The following PCDHA2 variants were observed in gnomAD, a reference collection of about 807,000 sequenced individuals.
The protein encoded by PCDHA2 is protocadherin alpha-2.
In PCDHA2, 58 loss-of-function variants were observed where a neutral mutation model predicts 66.0. The ratio of observed to expected loss-of-function variants is 0.88; its 90% confidence interval spans 0.71 to 1.09. The LOEUF (loss-of-function observed/expected upper bound fraction) is 1.09. Ranked by LOEUF, PCDHA2 falls within the 50% of genes least tolerant of loss-of-function variation. PCDHA2 has a pLI of 0.00. For synonymous variants in PCDHA2, 634 were observed against 554.0 expected, an observed-to-expected ratio of 1.14 and a Z score of -2.03; for missense variants, 1,267 against 1,242.3, an observed-to-expected ratio of 1.02 and a Z score of -0.30.
chr5:140,795,652 A>C lies in PCDHA2; in HGVS notation c.688A>C (p.Ile230Leu), dbSNP rs1554119517. Residue 230 changes from isoleucine (I) to leucine (L), a missense_variant, in exon 1 of 4, where the codon ATT (isoleucine) becomes CTT (leucine). By Grantham distance (5) the Ile-to-Leu change is conservative. Coordinates refer to ENST00000526136, the MANE Select transcript of PCDHA2 (RefSeq NM_018905.3). ...PELTGTVQIL[I>L]KVLDVNDNEP... ...GCTCACGGGCACCGTTCAAATACTTATTAAGGTATTAGATGTAAATGACAA... is the reference window on the plus strand; with the variant it reads ...GCTCACGGGCACCGTTCAAATACTTCTTAAGGTATTAGATGTAAATGACAA... The C allele has an allele frequency of 1.2e-6, 2 of 1,614,036 alleles. No homozygotes were observed. The highest frequency in any genetic ancestry group is 1.1e-5 in the South Asian group (1 of 91,084).
rs2150424044 is a variant in PCDHA2, at chr5:140,848,904, C to G, written c.2388+51552C>G. ...CAACCCTCCAGTGTTCCCAGCGACACAAAAGAATCTGTTCATCGCGGAATC... is the reference window on the plus strand; with the variant it reads ...CAACCCTCCAGTGTTCCCAGCGACAGAAAAGAATCTGTTCATCGCGGAATC... On this transcript the variant is annotated intron_variant, in intron 1 of 3. Coordinates refer to ENST00000526136, the MANE Select transcript of PCDHA2 (RefSeq NM_018905.3). 1 of 1,608,060 alleles carries G rather than the reference C, an allele frequency of 6.2e-7. No individual in the cohort carries two copies. Among genetic ancestry groups the G allele is most frequent in the Non-Finnish European group, 8.5e-7 (1 of 1,176,922 alleles).
chr5:140,857,687 A>C, intron 1 of PCDHA2: 1 of 1,597,130 alleles, frequency 6.3e-7, no homozygotes, highest in South Asian at 1.1e-5. Context: ...TCTGGGCAGC[A>C]ACTTGACGCT....
intron 1 of PCDHA2, chr5:140,865,997 T>C (rs990195272): frequency 2.6e-5 from 4 of 152,210 alleles, no homozygotes; most frequent in Admixed American, 6.5e-5. Context: ...AGTTTTTTTA[T>C]GTTAAGTGAT....
chr5:141,007,478 G>A (rs1041976706), intron 3 of PCDHA2, among the ~76,000 whole-genome samples: 5 of 151,620 alleles, frequency 3.3e-5, no homozygotes, highest in Admixed American at 6.6e-5. Context: ...TGAGGCACGA[G>A]AATTACTTGG....
rs1375080438 is a variant in PCDHA2, at chr5:140,807,601, G to T, written c.2388+10249G>T. 3 of 1,614,072 alleles carry T rather than the reference G, an allele frequency of 1.9e-6. No individual in the cohort carries two copies. The African/African-American group carries it at 4.0e-5, about 22-fold the overall frequency. ...CGCCGGTGTTCCCAGCAACACAAAA[G>T]AACCTGTCCATCGCGGAATCCAGGC... On this transcript the variant is annotated intron_variant, in intron 1 of 3. Coordinates refer to ENST00000526136, the MANE Select transcript of PCDHA2 (RefSeq NM_018905.3).
chr5:140,912,378 T>C (rs1554195314), intron 1 of PCDHA2, among the ~76,000 whole-genome samples: 1 of 152,002 alleles, frequency 6.6e-6, no homozygotes, highest in African/African-American at 2.4e-5. Context: ...GTAAAAGGGA[T>C]TGAGTTCTTA....
chr5:140,843,457 G>A, intron 1 of PCDHA2: 1 of 1,596,058 alleles, frequency 6.3e-7, no homozygotes, highest in South Asian at 1.1e-5. Flanking sequence ...GCCTGCTGGT[G>A]CTCACGCTGC....
chr5:140,856,271 G>T lies in PCDHA2; in HGVS notation c.2388+58919G>T, dbSNP rs782472888. On this transcript the variant is annotated intron_variant, in intron 1 of 3. Coordinates refer to ENST00000526136, the MANE Select transcript of PCDHA2 (RefSeq NM_018905.3). ...GTCCAAAAGACACGGGGACCTTCTG[G>T]AGGTAAATCTGCAGAATGGCATTTT... 7 of 1,598,148 alleles carry T rather than the reference G, an allele frequency of 4.4e-6. 1 individual carries two copies. The highest frequency in any genetic ancestry group is 6.0e-6 in the Non-Finnish European group (7 of 1,167,948).
At chr5:140,830,509 A>C (rs1039294822) in intron 1 of PCDHA2, 3 of 1,410,936 alleles carry the variant, frequency 2.1e-6, no homozygotes, top group Non-Finnish European at 2.8e-6. Context: ...CATAATTAAC[A>C]GTTAATTTTT....
chr5:140,812,146 T>TG (rs1554125912), intron 1 of PCDHA2: 1 of 136,714 alleles, frequency 7.3e-6, no homozygotes, highest in Admixed American at 7.5e-5. Context: ...GGTTTTGGGC[T>TG]TTTGTTGTTG....
At chr5:140,881,867 G>A (rs2058853547) in intron 1 of PCDHA2, among the ~76,000 whole-genome samples, 1 of 152,166 alleles carries the variant, frequency 6.6e-6, no homozygotes, top group Non-Finnish European at 1.5e-5. Flanking sequence ...TAAATTTGTG[G>A]CAAAATGAAA....
At chr5:140,809,514 T>C (rs1554125265) in intron 1 of PCDHA2, 2 of 1,614,210 alleles carry the variant, frequency 1.2e-6, no homozygotes. Flanking sequence ...AGCCCCAGTT[T>C]ACCTGACTCT....
intron 1 of PCDHA2, chr5:140,871,163 GC>G: frequency 6.2e-7 from 1 of 1,613,476 alleles, no homozygotes; most frequent in Non-Finnish European, 8.5e-7. Context: ...GGCGCCGCGA[GC>G]CCAGAGGCTG....
chr5:140,925,499 T>C (rs2082524680), intron 1 of PCDHA2, among the ~76,000 whole-genome samples: 1 of 152,018 alleles, frequency 6.6e-6, no homozygotes, highest in African/African-American at 2.4e-5. Flanking sequence ...ACTGTCCCAA[T>C]ATCCACGCAA....
At chr5:140,804,598 G>T (rs1763418204) in intron 1 of PCDHA2, 1 of 152,482 alleles carries the variant, frequency 6.6e-6, no homozygotes, top group African/African-American at 2.4e-5. Context: ...ATAAGCCAAT[G>T]TTATAATGTT....
At chr5:140,799,542 C>T (rs189125604) in intron 1 of PCDHA2, among the ~76,000 whole-genome samples, 2 of 151,884 alleles carry the variant, frequency 1.3e-5, no homozygotes, top group African/African-American at 4.8e-5. Flanking sequence ...TAATATAGCA[C>T]AATATAATCA....
intron 1 of PCDHA2, chr5:140,850,555 C>A (rs1562471328): frequency 6.3e-7 from 1 of 1,598,250 alleles, no homozygotes; most frequent in Non-Finnish European, 8.6e-7. Flanking sequence ...GTGGGTGCCA[C>A]GGGCCCCGAG....
chr5:140,842,275 C>A, intron 1 of PCDHA2: 2 of 1,610,286 alleles, frequency 1.2e-6, no homozygotes, highest in Non-Finnish European at 8.5e-7. Flanking sequence ...TATACAAAAT[C>A]CTCATTGACG....
rs1359439804 is a variant in PCDHA2 at position 140,846,369 on chromosome 5, CTTTCTTTTTT to C, written c.2388+49021_2388+49030del. ...TTCTCTTTTTTCTTTTCTTTTCTTTCTTTCTTTTTTTTTTTTTTTTTTTGAGACGGAGTCT... is the reference window on the plus strand; with the variant it reads ...TTCTCTTTTTTCTTTTCTTTTCTTTCTTTTTTTTTTTTTGAGACGGAGTCT... On this transcript the variant is annotated intron_variant, in intron 1 of 3. Coordinates refer to ENST00000526136, the MANE Select transcript of PCDHA2 (RefSeq NM_018905.3). 7.0e-4 allele frequency among the ~76,000 whole-genome samples: 72 copies of C among 102,178 alleles called. 4 individuals are homozygous for C. The highest frequency in any genetic ancestry group is 2.6e-3 in the African/African-American group (68 of 26,232). The allele number at this position is 102,178 out of a possible 152,430, so 67.0% of individuals were successfully genotyped here.
Sources: gnomAD v4.1 joint callset for allele counts (sites outside exome capture counted in the v4.1 genomes callset) on GRCh38, gnomAD v4.1.1 for gene constraint, MANE v1.5 for transcripts, NCBI Gene and HGNC (gene_info 2026-07-23, HGNC 2026-07-21) for gene names.